MBTPS2: variants seen among roughly 807,000 people sequenced by gnomAD.
The protein encoded by MBTPS2 is membrane bound transcription factor peptidase, site 2, also known as membrane-bound transcription factor site-2 protease.
A neutral mutation model predicts 35.4 loss-of-function variants in MBTPS2; 2 were observed. The observed-to-expected ratio is 0.06, with a 90% CI of 0.02 to 0.18. The LOEUF (loss-of-function observed/expected upper bound fraction) is 0.18. MBTPS2 is among the 10% of genes least tolerant of loss of function. The pLI is 1.00. For synonymous variants in MBTPS2, 125 were observed against 140.4 expected (o/e 0.89, Z 0.77); for missense variants, 244 against 386.5 (o/e 0.63, Z 3.09).
chrX:21,882,247 T>C (rs2092960289), intron 10 of MBTPS2, among the ~76,000 whole-genome samples, 186 bp from the exon 11 acceptor site: 2 of 111,575 alleles, frequency 1.8e-5, no homozygotes, highest in Admixed American at 9.5e-5. Flanking sequence ...TTTTTGAACT[T>C]TGAAATAATA....
chrX:21,885,360 C>T lies in MBTPS2; in HGVS notation c.*2705C>T. The T allele has an allele frequency of 1.3e-6, 1 of 748,541 alleles. No individual in the cohort carries two copies. Among genetic ancestry groups the T allele is most frequent in the Non-Finnish European group, 1.6e-6 (1 of 634,273 alleles). 61.7% of individuals were successfully genotyped at this position (748,541 alleles called of 1,213,427 possible). A position where few individuals can be genotyped will look rare whatever the true frequency, so the allele number is the denominator to read the frequency against. On this transcript the variant is annotated 3_prime_UTR_variant, in exon 11 of 11. Coordinates refer to ENST00000379484, the MANE Select transcript of MBTPS2 (RefSeq NM_015884.4). ...TTCTTAAGCTTTAACTTGAAGGTATCGTAATTGCCGGCATTTGATGTTTAG... is the reference window on the plus strand; with the variant it reads ...TTCTTAAGCTTTAACTTGAAGGTATTGTAATTGCCGGCATTTGATGTTTAG...
chrX:21,861,721 A>AC (rs1569325348), intron 5 of MBTPS2, among the ~76,000 whole-genome samples: 1 of 110,133 alleles, frequency 9.1e-6, no homozygotes, highest in Non-Finnish European at 1.9e-5. Context: ...ACAAAAAAAA[A>AC]CACGAAAAAG....
chrX:21,850,012 GCGAGACTC>G (rs2092913056), intron 3 of MBTPS2, among the ~76,000 whole-genome samples: 1 of 94,659 alleles, frequency 1.1e-5, no homozygotes, highest in Non-Finnish European at 2.1e-5. Flanking sequence ...GGGCGACAGA[GCGAGACTC>G]CGTCTCAAAA....
chrX:21,866,790 G>C (rs2092940367), intron 5 of MBTPS2, among the ~76,000 whole-genome samples: 1 of 110,575 alleles, frequency 9.0e-6, no homozygotes, highest in African/African-American at 3.3e-5. Flanking sequence ...GCTTTGGGAG[G>C]CCGAGGTGGG....
intron 5 of MBTPS2, among the ~76,000 whole-genome samples, chrX:21,862,574 C>G (rs1209121591): frequency 9.2e-6 from 1 of 108,542 alleles, no homozygotes. Flanking sequence ...CTTTGGGAGG[C>G]CGAGGCGGGC....
chrX:21,860,647 G>A (rs1275141408), intron 5 of MBTPS2, among the ~76,000 whole-genome samples: 1 of 111,156 alleles, frequency 9.0e-6, no homozygotes, highest in East Asian at 2.8e-4. Context: ...CATGCCTGAC[G>A]AGATAAGAGA....
Position 21,839,829 on chromosome X carries a change from G to A in MBTPS2, c.75+20G>A, listed in dbSNP as rs1273977812. ...CTGAAGGTGAGGGCCTTGGGCCTAA[G>A]GTCCAAGCCCGCGGTGCCCATGGCC... On this transcript the variant is annotated intron_variant, in intron 1 of 10. Coordinates refer to ENST00000379484, the MANE Select transcript of MBTPS2 (RefSeq NM_015884.4). 1.7e-6 allele frequency: 2 copies of A among 1,173,878 alleles called. No individual in the cohort carries two copies. Among genetic ancestry groups the A allele is most frequent in the Non-Finnish European group, 2.3e-6 (2 of 871,765 alleles).
chrX:21,852,504 GT>G (rs1172444976), intron 4 of MBTPS2, among the ~76,000 whole-genome samples: 23 of 105,703 alleles, frequency 2.2e-4, no homozygotes, highest in East Asian at 2.9e-4. Context: ...TGGCTGCTGG[GT>G]TTTTTTTTTC....
intron 5 of MBTPS2, among the ~76,000 whole-genome samples, chrX:21,859,830 T>G (rs768249772): frequency 5.4e-4 from 60 of 111,774 alleles, no homozygotes; most frequent in Middle Eastern, 4.6e-3. Flanking sequence ...CAGGGGCTCA[T>G]GCCTGTAATG....
At chrX:21,870,536 C>T (rs983241521) in intron 7 of MBTPS2, 3 of 111,856 alleles carry the variant, frequency 2.7e-5, no homozygotes, top group African/African-American at 9.7e-5. Context: ...TAAGAAGGAA[C>T]TTGGCAAACA....
At chrX:21,856,486 T>C (rs939177363) in intron 5 of MBTPS2, 1 of 1,205,198 alleles carries the variant, frequency 8.3e-7, no homozygotes, top group Non-Finnish European at 1.1e-6. Context: ...CTCTCAGCCA[T>C]GGCCTCCAAC....
intron 1 of MBTPS2, among the ~76,000 whole-genome samples, chrX:21,842,127 G>A (rs2092903265): frequency 8.9e-6 from 1 of 111,917 alleles, no homozygotes; most frequent in Non-Finnish European, 1.9e-5. Context: ...ACATGGGTGG[G>A]CATGAATATG....
intron 6 of MBTPS2, 36 bp from the exon 7 acceptor site, chrX:21,869,462 A>C (rs372764384): frequency 1.5e-5 from 16 of 1,085,708 alleles, no homozygotes; most frequent in Admixed American, 2.2e-5. Flanking sequence ...GCTTGTCTTC[A>C]TGCATTATCT....
intron 10 of MBTPS2, among the ~76,000 whole-genome samples, chrX:21,881,957 T>A (rs2147455694): frequency 8.9e-6 from 1 of 111,799 alleles, no homozygotes; most frequent in African/African-American, 3.2e-5. Flanking sequence ...CAAAAAAGAT[T>A]GTACTTTATA....
chrX:21,842,427 G>C (rs1044609812), intron 1 of MBTPS2, among the ~76,000 whole-genome samples: 3 of 110,536 alleles, frequency 2.7e-5, no homozygotes, highest in African/African-American at 9.9e-5. Context: ...TCTTGGATTG[G>C]TAGGGTTTTT....
chrX:21,863,263 C>CAAA (rs58548977), intron 5 of MBTPS2, among the ~76,000 whole-genome samples: 1 of 57,536 alleles, frequency 1.7e-5, no homozygotes, highest in Non-Finnish European at 3.4e-5. Flanking sequence ...GAGACTGTCT[C>CAAA]AAAAAAAAAA....
At chrX:21,852,126 G>A (rs1024496453) in intron 4 of MBTPS2, among the ~76,000 whole-genome samples, 1 of 111,931 alleles carries the variant, frequency 8.9e-6, no homozygotes, top group African/African-American at 3.2e-5. Flanking sequence ...CCTGGGACTA[G>A]CTTTGAGTAT....
Position 21,880,929 on chromosome X carries a change from T to C in MBTPS2, c.1294T>C (p.Phe432Leu). 1 of 1,205,326 alleles carries C rather than the reference T, an allele frequency of 8.3e-7. No homozygotes were observed. The highest frequency in any genetic ancestry group is 1.1e-6 in the Non-Finnish European group (1 of 889,498). The change falls in exon 10 of 11, where the codon TTT (phenylalanine) becomes CTT (leucine). Residue 432 changes from phenylalanine (F) to leucine (L), a missense_variant. Coordinates refer to ENST00000379484, the MANE Select transcript of MBTPS2 (RefSeq NM_015884.4). ...CACCAGTTTTATCCCACGTTTTAAC[T>C]TTCTAAGCATAGATCTGCCAGTGGT... is the stretch of plus-strand genomic sequence containing the variant. ...SITSFIPRFN[F>L]LSIDLPVVVE...
chrX:21,868,328 A>G, intron 5 of MBTPS2, 139 bp from the exon 6 acceptor site: 1 of 555,170 alleles, frequency 1.8e-6, no homozygotes, highest in Non-Finnish European at 3.3e-6. Context: ...CTGCTCTACT[A>G]ATAAGTAGAT....
Sources: allele counts gnomAD v4.1 joint callset (sites outside exome capture counted in the v4.1 genomes callset), GRCh38; gene constraint gnomAD v4.1.1; transcripts MANE v1.5; gene names NCBI Gene and HGNC (gene_info 2026-07-23, HGNC 2026-07-21).